Variants in CFAP20DC observed in about 807,000 individuals in gnomAD.
The protein encoded by CFAP20DC is protein CFAP20DC.
A neutral mutation model predicts 101.7 loss-of-function variants in CFAP20DC; 84 were observed. That is an observed-to-expected ratio of 0.83 (90% CI 0.69 to 0.99). CFAP20DC has a LOEUF of 0.99. Among genes scored for constraint, CFAP20DC ranks in the 50% least tolerant of loss-of-function variants. The pLI is 0.00. For missense variants in CFAP20DC, 1,007 were observed against 970.3 expected, an observed-to-expected ratio of 1.04 and a Z score of -0.50; for synonymous variants, 359 against 351.2, an observed-to-expected ratio of 1.02 and a Z score of -0.25.
chr3:58,902,311 G>C (rs984468674), intron 6 of CFAP20DC, among the ~76,000 whole-genome samples: 5 of 152,130 alleles, frequency 3.3e-5, no homozygotes, highest in African/African-American at 1.2e-4. Flanking sequence ...TATATACCTA[G>C]GAATGGAAAT....
chr3:58,929,265 T>G (rs144474876), intron 5 of CFAP20DC, among the ~76,000 whole-genome samples: 1 of 152,196 alleles, frequency 6.6e-6, no homozygotes, highest in Non-Finnish European at 1.5e-5. Flanking sequence ...TACAGCCACA[T>G]ACATAATACT....
At chr3:58,947,580 T>G (rs1232268437) in intron 4 of CFAP20DC, among the ~76,000 whole-genome samples, 4 of 152,224 alleles carry the variant, frequency 2.6e-5, no homozygotes, top group Admixed American at 2.0e-4. Context: ...CTTCATGACT[T>G]ATATCCTTGA....
Position 58,878,485 on chromosome 3 carries a change from T to G in CFAP20DC, c.715+6060A>C, listed in dbSNP as rs552562378. Among the ~76,000 whole-genome samples the G allele has an allele frequency of 2.6e-5, 4 of 152,216 alleles. No homozygotes were observed. In the South Asian group the frequency reaches 8.3e-4, roughly 32 times the overall value. On this transcript the variant is annotated intron_variant, in intron 7 of 16. Transcript: ENST00000482387. The stretch of plus-strand genomic sequence containing the variant: ...AAAGTCAGAATTAGCCTACTTTTTT[T>G]CTTTACTCTTAATGAGCAAAGAAAC...
chr3:58,894,165 C>T lies in CFAP20DC; in HGVS notation c.551-9456G>A, dbSNP rs2082483353. On this transcript the variant is annotated intron_variant, in intron 6 of 16. Coordinates refer to ENST00000482387, the MANE Select transcript of CFAP20DC (RefSeq NM_001394063.1). This position sits in a 1 kb window ranked among gnomAD's most constrained non-coding sequence, Gnocchi z 4.1. The stretch of plus-strand genomic sequence containing the variant: ...ACACAGCCAAACCATATCATTCTCC[C>T]CTTGGCCCCTCCCAAATCTCACGTC... 6.6e-6 allele frequency among the ~76,000 whole-genome samples: 1 copy of T among 152,116 alleles called. No individual in the cohort carries two copies. The highest frequency in any genetic ancestry group is 2.4e-5 in the African/African-American group (1 of 41,428).
At chr3:58,986,286 A>G (rs772954925) in intron 4 of CFAP20DC, among the ~76,000 whole-genome samples, 28 of 152,170 alleles carry the variant, frequency 1.8e-4, no homozygotes, top group Non-Finnish European at 8.8e-5. Context: ...GGGATGAGCT[A>G]TCTAGCCTAA....
intron 3 of CFAP20DC, among the ~76,000 whole-genome samples, chr3:59,040,442 A>T (rs1330468239): frequency 1.3e-5 from 2 of 152,020 alleles, no homozygotes; most frequent in Non-Finnish European, 2.9e-5. Context: ...TGCTCTTAAC[A>T]GATGTTTTTA....
chr3:58,810,727 T>C (rs1159572200), intron 14 of CFAP20DC, among the ~76,000 whole-genome samples: 1 of 149,942 alleles, frequency 6.7e-6, no homozygotes, highest in Non-Finnish European at 1.5e-5. Flanking sequence ...GAGAAGAAAA[T>C]AAAGGGTATT....
At chr3:58,937,565 G>T in intron 5 of CFAP20DC, 83 bp downstream of exon 5, 1 of 844,448 alleles carries the variant, frequency 1.2e-6, no homozygotes. Flanking sequence ...ACTTAACAAA[G>T]TACCTCACAT....
At chr3:58,973,543 C>T (rs10510801) in intron 4 of CFAP20DC, among the ~76,000 whole-genome samples, 3,192 of 152,224 alleles carry the variant, frequency 0.021, 101 homozygotes, top group African/African-American at 0.072. Flanking sequence ...ATTATCTCAC[C>T]GTATTTCATT....
chr3:58,774,328 C>A (rs2071126609), intron 15 of CFAP20DC, among the ~76,000 whole-genome samples: 1 of 152,158 alleles, frequency 6.6e-6, no homozygotes, highest in East Asian at 1.9e-4. Flanking sequence ...ACAAATTGAG[C>A]ATTTTCCCTA....
chr3:58,878,933 G>A (rs771619291), intron 7 of CFAP20DC, among the ~76,000 whole-genome samples: 16 of 152,008 alleles, frequency 1.1e-4, no homozygotes, highest in Non-Finnish European at 2.2e-4. Context: ...GCGTGAACCC[G>A]GGAGGCGGAG....
intron 5 of CFAP20DC, among the ~76,000 whole-genome samples, chr3:58,921,042 C>A (rs2085307535): frequency 6.6e-6 from 1 of 152,222 alleles, no homozygotes; most frequent in African/African-American, 2.4e-5. Flanking sequence ...TCCCACTTAT[C>A]TAAGTTGTCA....
chr3:58,913,975 G>A lies in CFAP20DC; in HGVS notation c.394-111C>T. ...TTGAGGCAGTTATCCTGATCAACAA[G>A]CCCCAAACTAATTTTCCTCTTTAGG... On this transcript the variant is annotated intron_variant, in intron 5 of 16. Coordinates refer to ENST00000482387, the MANE Select transcript of CFAP20DC (RefSeq NM_001394063.1). The surrounding 1 kb of genome is among the most constrained non-coding windows in gnomAD (Gnocchi z 4.4). 1 of 1,128,392 alleles carries A rather than the reference G, an allele frequency of 8.9e-7. No individual in the cohort carries two copies. Among genetic ancestry groups the A allele is most frequent in the South Asian group, 1.5e-5 (1 of 65,080 alleles). The allele number at this position is 1,128,392 out of a possible 1,614,324, so 69.9% of individuals were successfully genotyped here. A position where few individuals can be genotyped will look rare whatever the true frequency, so the allele number is the denominator to read the frequency against.
rs866736738 is a variant in CFAP20DC, at chr3:58,935,618, C to T, written c.393+2030G>A. On this transcript the variant is annotated intron_variant, in intron 5 of 16. Coordinates refer to ENST00000482387, the MANE Select transcript of CFAP20DC (RefSeq NM_001394063.1). ...AGAACAGAGCCCTCAGAAATAACGC[C>T]GCATATCTACAACTATCTGATCTTT... 3.8e-3 allele frequency among the ~76,000 whole-genome samples: 584 copies of T among 152,166 alleles called. 1 individual carries two copies. The highest frequency in any genetic ancestry group is 0.013 in the African/African-American group (550 of 41,484).
In CFAP20DC at chr3:58,927,949, A is replaced by G. The variant is rs58117934; in HGVS notation, c.393+9699T>C. 2.7e-3 allele frequency among the ~76,000 whole-genome samples: 411 copies of G among 152,344 alleles called. 1 individual carries two copies. Among genetic ancestry groups the G allele is most frequent in the African/African-American group, 9.3e-3 (387 of 41,566 alleles). ...AGCACCTCTTGGATTGGGAGGAATG[A>G]GAGCAAGTTTTCAAACCAAATTTCT... On this transcript the variant is annotated intron_variant, in intron 5 of 16. Transcript: ENST00000482387.
At chr3:58,745,508 T>C (rs546769940) in intron 16 of CFAP20DC, among the ~76,000 whole-genome samples, 1 of 152,328 alleles carries the variant, frequency 6.6e-6, no homozygotes, top group East Asian at 1.9e-4. Flanking sequence ...TAAAGCTGGC[T>C]ACAGATCATT....
chr3:58,934,010 T>C (rs1408127364), intron 5 of CFAP20DC, among the ~76,000 whole-genome samples: 2 of 151,866 alleles, frequency 1.3e-5, no homozygotes, highest in Non-Finnish European at 2.9e-5. Flanking sequence ...ATCAACAAAA[T>C]TGATAGACCA....
chr3:59,039,225 C>T (rs753071508), intron 4 of CFAP20DC, among the ~76,000 whole-genome samples: 2 of 151,972 alleles, frequency 1.3e-5, no homozygotes, highest in Non-Finnish European at 2.9e-5. Context: ...GCAGACCGTA[C>T]AAAACATAAC....
Position 59,045,581 on chromosome 3 carries a change from G to C in CFAP20DC, c.205+648C>G, listed in dbSNP as rs79044748. ...TAATAACTGGGCTTCTGATAAATCTGCGTTATCTCTCAGGGTTTCTTCTGC... is the reference window on the plus strand; with the variant it reads ...TAATAACTGGGCTTCTGATAAATCTCCGTTATCTCTCAGGGTTTCTTCTGC... On this transcript the variant is annotated intron_variant, in intron 3 of 16. Coordinates refer to ENST00000482387, the MANE Select transcript of CFAP20DC (RefSeq NM_001394063.1). Among the ~76,000 whole-genome samples the C allele has an allele frequency of 5.2e-3, 794 of 152,132 alleles. 5 individuals carry two copies. Among genetic ancestry groups the C allele is most frequent in the South Asian group, 0.015 (73 of 4,818 alleles).
Sources: allele counts gnomAD v4.1 joint callset (sites outside exome capture counted in the v4.1 genomes callset), GRCh38; gene constraint gnomAD v4.1.1; non-coding constraint Gnocchi (gnomAD v3.1); transcripts MANE v1.5; gene names NCBI Gene and HGNC (gene_info 2026-07-23, HGNC 2026-07-21).